The following DIPK1A variants were observed in gnomAD, a reference collection of about 807,000 sequenced individuals.
DIPK1A encodes divergent protein kinase domain 1A.
A neutral mutation model predicts 40.8 loss-of-function variants in DIPK1A; 27 were observed. The ratio of observed to expected loss-of-function variants is 0.66; its 90% CI spans 0.49 to 0.91. DIPK1A has a LOEUF of 0.91. DIPK1A is among the 40% of genes least tolerant of loss of function. The probability of loss-of-function intolerance (pLI) is 0.00; values close to 1 mark genes in which losing one functional copy is unlikely to be tolerated. For synonymous variants in DIPK1A, 166 were observed against 171.3 expected (o/e 0.97, Z 0.24); for missense variants, 412 against 505.7 (o/e 0.81, Z 1.78).
At chr1:92,934,931 G>A (rs1316074110) in intron 1 of DIPK1A, among the ~76,000 whole-genome samples, 2 of 152,116 alleles carry the variant, frequency 1.3e-5, no homozygotes, top group South Asian at 2.1e-4. Flanking sequence ...ACTTACTAGC[G>A]TCAAGATGAA....
chr1:92,881,733 C>G (rs1648384008), intron 1 of DIPK1A, among the ~76,000 whole-genome samples: 1 of 152,066 alleles, frequency 6.6e-6, no homozygotes, highest in African/African-American at 2.4e-5. Context: ...ATGATATGTT[C>G]CCAATTTGGC....
intron 2 of DIPK1A, among the ~76,000 whole-genome samples, chr1:92,861,744 G>A (rs979534844): frequency 1.3e-5 from 2 of 151,490 alleles, no homozygotes; most frequent in African/African-American, 4.9e-5. Context: ...CTTTCCTATG[G>A]CTTCTCTCTT....
intron 4 of DIPK1A, chr1:92,834,745 A>G (rs777261931): frequency 6.2e-7 from 1 of 1,611,744 alleles, no homozygotes; most frequent in East Asian, 2.2e-5. Flanking sequence ...AGTGAAAGCA[A>G]CAGATTACTA....
chr1:92,839,885 G>A (rs1222114737), downstream of DIPK1A, among the ~76,000 whole-genome samples: 4 of 151,782 alleles, frequency 2.6e-5, no homozygotes, highest in East Asian at 7.7e-4. Context: ...CTGTTTCCTG[G>A]GCTGGGGTGC....
Position 92,853,887 on chromosome 1 carries a change from T to G in DIPK1A, c.190-2932A>C, listed in dbSNP as rs181634484. ...AACTGAATTAATAAAAACTGATTTT[T>G]TTTTGTTTTGTTTTTTTGAGACAGA... On this transcript the variant is annotated intron_variant, in intron 2 of 4. Coordinates refer to ENST00000370310, the MANE Select transcript of DIPK1A (RefSeq NM_001006605.5). 2.1e-3 allele frequency among the ~76,000 whole-genome samples: 325 copies of G among 152,232 alleles called. 1 individual carries two copies. Among genetic ancestry groups the G allele is most frequent in the Non-Finnish European group, 3.1e-3 (210 of 67,996 alleles).
rs930920609 is a variant in DIPK1A at position 92,892,348 on chromosome 1, C to G, written c.55-15918G>C. Among the ~76,000 whole-genome samples, 42 of 152,194 alleles carry G rather than the reference C, an allele frequency of 2.8e-4. 1 individual carries two copies. The highest frequency in any genetic ancestry group is 6.8e-3 in the Middle Eastern group (2 of 294). On this transcript the variant is annotated intron_variant, in intron 1 of 4. Transcript: ENST00000370310. Reference sequence around the variant, plus strand: ...CGATCAGGCAGCAACATTTGCTGTTCATCAATATCCGCTGTTCTGCAGCCT... The same window carrying G: ...CGATCAGGCAGCAACATTTGCTGTTGATCAATATCCGCTGTTCTGCAGCCT...
intron 4 of DIPK1A, among the ~76,000 whole-genome samples, chr1:92,844,471 A>G (rs1687508570): frequency 6.6e-6 from 1 of 152,174 alleles, no homozygotes; most frequent in Non-Finnish European, 1.5e-5. Context: ...GGCCCCTTAG[A>G]TAGTTAACCA....
intron 1 of DIPK1A, among the ~76,000 whole-genome samples, chr1:92,902,462 C>T (rs79925719): frequency 2.6e-5 from 4 of 152,244 alleles, no homozygotes; most frequent in East Asian, 3.9e-4. Context: ...GACACAGTAC[C>T]GGCTCCAAGA....
chr1:92,835,479 C>T (rs1687081647), intron 4 of DIPK1A, among the ~76,000 whole-genome samples: 2 of 150,854 alleles, frequency 1.3e-5, no homozygotes, highest in Admixed American at 6.6e-5. Context: ...ATGGTGAAGC[C>T]CTGTCTCTAC....
chr1:92,858,808 CTGTTT>C (rs570462568), intron 2 of DIPK1A, among the ~76,000 whole-genome samples: 2 of 152,162 alleles, frequency 1.3e-5, no homozygotes, highest in East Asian at 1.9e-4. Flanking sequence ...TGGCCACGTA[CTGTTT>C]TGTTTTGTTT....
intron 2 of DIPK1A, among the ~76,000 whole-genome samples, chr1:92,875,119 C>T (rs1032342243): frequency 6.6e-6 from 1 of 152,086 alleles, no homozygotes; most frequent in Non-Finnish European, 1.5e-5. Context: ...TTGTGTTAAA[C>T]TGGTTTTTAT....
intron 2 of DIPK1A, among the ~76,000 whole-genome samples, chr1:92,855,296 A>C (rs1255857317): frequency 6.6e-6 from 1 of 152,154 alleles, no homozygotes; most frequent in East Asian, 1.9e-4. Context: ...AAATTATAGC[A>C]ATTTCCAAAT....
intron 1 of DIPK1A, among the ~76,000 whole-genome samples, chr1:92,886,978 C>T (rs1420919921): frequency 2.0e-5 from 3 of 151,898 alleles, no homozygotes; most frequent in Non-Finnish European, 4.4e-5. Context: ...GGCTCTTTAC[C>T]GAAATAGTTT....
intron 2 of DIPK1A, among the ~76,000 whole-genome samples, chr1:92,868,701 C>T (rs975018509): frequency 6.6e-5 from 10 of 152,136 alleles, no homozygotes; most frequent in Non-Finnish European, 1.0e-4. Flanking sequence ...TGCGGTGGCT[C>T]ATACCTGTAA....
chr1:92,895,090 T>C (rs2100810534), intron 1 of DIPK1A, among the ~76,000 whole-genome samples: 1 of 152,196 alleles, frequency 6.6e-6, no homozygotes, highest in Non-Finnish European at 1.5e-5. Context: ...GAGGAGCTGG[T>C]ACCATTCCTT....
intron 2 of DIPK1A, among the ~76,000 whole-genome samples, chr1:92,869,125 G>A (rs948102415): frequency 1.3e-5 from 2 of 148,996 alleles, no homozygotes; most frequent in South Asian, 2.1e-4. Context: ...CTATATGACA[G>A]TAGTTACCTT....
chr1:92,947,841 A>G lies in DIPK1A; in HGVS notation c.54+13535T>C, dbSNP rs140848665. On this transcript the variant is annotated intron_variant, in intron 1 of 4. Transcript: ENST00000370310. ...TGTTTTCACTCATATGTGGAAACTA[A>G]AACAGTTGATCTCATAGAAATAGAT... Among the ~76,000 whole-genome samples the G allele has an allele frequency of 9.1e-3, 1,390 of 152,324 alleles. 29 individuals are homozygous for G. The highest frequency in any genetic ancestry group is 0.031 in the African/African-American group (1,296 of 41,574).
At chr1:92,945,641 T>C (rs902798747) in intron 1 of DIPK1A, among the ~76,000 whole-genome samples, 13 of 152,206 alleles carry the variant, frequency 8.5e-5, no homozygotes, top group African/African-American at 2.7e-4. Flanking sequence ...GCCAAAAGTA[T>C]CTCACTCCTT....
rs1428271571 is a variant in DIPK1A at position 92,842,167 on chromosome 1, T to G, written c.*1216A>C. 2.9e-6 allele frequency: 3 copies of G among 1,033,180 alleles called. No individual in the cohort carries two copies. In the East Asian group the frequency reaches 2.5e-4, roughly 85 times the overall value. 64.0% of individuals were successfully genotyped at this position (1,033,180 alleles called of 1,614,324 possible). A position where few individuals can be genotyped will look rare whatever the true frequency, so the allele number is the denominator to read the frequency against. ...CAACAGACCAACCATCAGTGGGAAA[T>G]ATTTCTTCCATCCATTTATTATAAC... is the stretch of plus-strand genomic sequence containing the variant. On this transcript the variant is annotated 3_prime_UTR_variant, in exon 5 of 5. Transcript: ENST00000370310.
Sources: allele counts gnomAD v4.1 joint callset (sites outside exome capture counted in the v4.1 genomes callset), GRCh38; gene constraint gnomAD v4.1.1; transcripts MANE v1.5; gene names NCBI Gene and HGNC (gene_info 2026-07-23, HGNC 2026-07-21).